The following GRIK2 variants were observed in gnomAD, a reference collection of about 807,000 sequenced individuals.
The protein encoded by GRIK2 is glutamate ionotropic receptor kainate type subunit 2.
In GRIK2, 32 loss-of-function variants were observed where a neutral mutation model predicts 100.3. The observed-to-expected ratio is 0.32, with a 90% confidence interval of 0.24 to 0.43. GRIK2 has a LOEUF of 0.43. Among genes scored for constraint, GRIK2 ranks in the 20% least tolerant of loss-of-function variants. The probability of loss-of-function intolerance (pLI) is 1.00; values close to 1 mark genes in which losing one functional copy is unlikely to be tolerated. For synonymous variants in GRIK2, 417 were observed against 389.4 expected (o/e 1.07, Z -0.83); for missense variants, 843 against 1,114.9 (o/e 0.76, Z 3.47).
chr6:101,598,793 GCTAT>G (rs1159245416), intron 2 of GRIK2, among the ~76,000 whole-genome samples: 1 of 151,302 alleles, frequency 6.6e-6, no homozygotes, highest in African/African-American at 2.4e-5. Context: ...AACACCAGAG[GCTAT>G]TATGTCCTCA....
intron 2 of GRIK2, among the ~76,000 whole-genome samples, chr6:101,517,501 G>T (rs1774646725): frequency 6.7e-6 from 1 of 150,188 alleles, no homozygotes; most frequent in Non-Finnish European, 1.5e-5. Flanking sequence ...TCTTACAGAA[G>T]AAGAACATTT....
At chr6:101,543,353 A>G (rs1776093246) in intron 2 of GRIK2, among the ~76,000 whole-genome samples, 2 of 152,186 alleles carry the variant, frequency 1.3e-5, no homozygotes, top group South Asian at 4.1e-4. Context: ...TATCCCAGTT[A>G]ACAACCTGGA....
At chr6:101,509,638 A>G (rs1774201557) in intron 2 of GRIK2, among the ~76,000 whole-genome samples, 1 of 152,160 alleles carries the variant, frequency 6.6e-6, no homozygotes, top group Admixed American at 6.5e-5. Context: ...GAATCTGGAA[A>G]ATTTTCCATA....
chr6:102,031,373 ACCTGGAC>A (rs1160961987), intron 14 of GRIK2, among the ~76,000 whole-genome samples: 1 of 151,212 alleles, frequency 6.6e-6, no homozygotes, highest in African/African-American at 2.4e-5. Context: ...TATTTATGAA[ACCTGGAC>A]CCTGGTCAGT....
intron 15 of GRIK2, among the ~76,000 whole-genome samples, chr6:102,050,648 T>TGAAA (rs1771124938): frequency 4.6e-5 from 2 of 43,340 alleles, no homozygotes; most frequent in African/African-American, 1.8e-4. Flanking sequence ...AAACTCGGTC[T>TGAAA]AAAAAAAAAA....
chr6:101,984,614 AACACACACACACAC>A (rs10678285), intron 14 of GRIK2, among the ~76,000 whole-genome samples: 26 of 129,248 alleles, frequency 2.0e-4, no homozygotes, highest in East Asian at 4.9e-4. Flanking sequence ...TACACATTAA[AACACACACACACAC>A]ACACACACAC....
At chr6:101,676,996 TC>T (rs1770890065) in intron 5 of GRIK2, among the ~76,000 whole-genome samples, 192 bp downstream of exon 5, 1 of 152,150 alleles carries the variant, frequency 6.6e-6, no homozygotes, top group Non-Finnish European at 1.5e-5. Context: ...TTGATGATCT[TC>T]AAAACGGGTT....
chr6:101,755,022 A>G (rs919258764), intron 7 of GRIK2, among the ~76,000 whole-genome samples: 3 of 152,174 alleles, frequency 2.0e-5, no homozygotes, highest in African/African-American at 7.2e-5. Context: ...CTCTGCTTGA[A>G]TTGTGGCCAA....
chr6:101,913,003 C>G (rs1388757412), intron 12 of GRIK2, among the ~76,000 whole-genome samples: 2 of 151,414 alleles, frequency 1.3e-5, no homozygotes, highest in Admixed American at 1.3e-4. Flanking sequence ...TAGTATGATT[C>G]TGGATATATT....
At chr6:101,895,566 T>C (rs1345712788) in intron 12 of GRIK2, among the ~76,000 whole-genome samples, 1 of 151,776 alleles carries the variant, frequency 6.6e-6, no homozygotes, top group Non-Finnish European at 1.5e-5. Flanking sequence ...AGGACAACAT[T>C]GAATTATTAT....
At chr6:101,580,184 C>T (rs899012702) in intron 2 of GRIK2, among the ~76,000 whole-genome samples, 2 of 152,148 alleles carry the variant, frequency 1.3e-5, no homozygotes, top group Admixed American at 6.5e-5. Flanking sequence ...TTCTTACAGC[C>T]AACTTTCTCT....
intron 2 of GRIK2, among the ~76,000 whole-genome samples, chr6:101,411,879 ACT>A (rs2128238133): frequency 6.6e-6 from 1 of 152,174 alleles, no homozygotes; most frequent in South Asian, 2.1e-4. Context: ...TGGTTGTGAG[ACT>A]TTCCTCTCTC....
At chr6:101,555,018 T>C (rs1776673108) in intron 2 of GRIK2, among the ~76,000 whole-genome samples, 1 of 152,206 alleles carries the variant, frequency 6.6e-6, no homozygotes, top group African/African-American at 2.4e-5. Context: ...AATTCCTGAT[T>C]AACTTTTATA....
At chr6:101,952,075 C>T (rs1171574262) in intron 14 of GRIK2, among the ~76,000 whole-genome samples, 1 of 152,220 alleles carries the variant, frequency 6.6e-6, no homozygotes, top group African/African-American at 2.4e-5. Flanking sequence ...ACATCCCCTT[C>T]GTTAGCTCTT....
intron 7 of GRIK2, among the ~76,000 whole-genome samples, chr6:101,774,323 C>T (rs6919217): frequency 0.065 from 9,897 of 152,204 alleles, 888 homozygotes; most frequent in African/African-American, 0.2. Flanking sequence ...AGTACCTAAT[C>T]TGAGCTGCAA....
At chr6:101,563,577 C>A (rs1777123964) in intron 2 of GRIK2, among the ~76,000 whole-genome samples, 1 of 151,942 alleles carries the variant, frequency 6.6e-6, no homozygotes, top group Non-Finnish European at 1.5e-5. Flanking sequence ...CACAATTTTT[C>A]CATTTAAAAA....
intron 2 of GRIK2, among the ~76,000 whole-genome samples, chr6:101,598,889 AC>A (rs1779059146): frequency 6.6e-6 from 1 of 151,604 alleles, no homozygotes; most frequent in Non-Finnish European, 1.5e-5. Flanking sequence ...CTATTTTTCA[AC>A]ATTAAATTGT....
intron 15 of GRIK2, among the ~76,000 whole-genome samples, chr6:102,044,256 T>C (rs1770757959): frequency 6.6e-6 from 1 of 152,036 alleles, no homozygotes; most frequent in Admixed American, 6.6e-5. Context: ...TGTGTATCTG[T>C]TCAATCAGTA....
At chr6:101,931,724 G>T (rs1236721315) in intron 14 of GRIK2, among the ~76,000 whole-genome samples, 1 of 151,994 alleles carries the variant, frequency 6.6e-6, no homozygotes, top group Non-Finnish European at 1.5e-5. Context: ...GTAAAGCCAT[G>T]ACTGGAAAAA....
Sources: gnomAD v4.1 joint callset for allele counts (sites outside exome capture counted in the v4.1 genomes callset) on GRCh38, gnomAD v4.1.1 for gene constraint, MANE v1.5 for transcripts, NCBI Gene and HGNC (gene_info 2026-07-23, HGNC 2026-07-21) for gene names.